The following CNKSR2 variants were observed in gnomAD, a reference collection of about 807,000 sequenced individuals.
The protein encoded by CNKSR2 is connector enhancer of kinase suppressor of Ras 2.
A neutral mutation model predicts 84.4 loss-of-function variants in CNKSR2; 14 were observed. The ratio of observed to expected loss-of-function variants is 0.17; its 90% CI spans 0.11 to 0.26. CNKSR2 has a LOEUF of 0.26. Ranked by LOEUF, CNKSR2 falls within the 10% of genes least tolerant of loss-of-function variation. CNKSR2 has a pLI of 1.00. For missense variants in CNKSR2, 485 were observed against 771.2 expected (o/e 0.63, Z 4.40); for synonymous variants, 275 against 277.9 (o/e 0.99, Z 0.10).
chrX:21,582,490 A>G (rs2147232271), intron 13 of CNKSR2, among the ~76,000 whole-genome samples: 1 of 111,593 alleles, frequency 9.0e-6, no homozygotes, highest in East Asian at 2.8e-4. Flanking sequence ...CTTGGGAGGC[A>G]GTAATGCATG....
chrX:21,569,568 T>G (rs1048447573), intron 13 of CNKSR2, among the ~76,000 whole-genome samples: 1 of 111,872 alleles, frequency 8.9e-6, no homozygotes, highest in Non-Finnish European at 1.9e-5. Flanking sequence ...TTCTTCTAAA[T>G]TCTTGTTAAT....
intron 4 of CNKSR2, among the ~76,000 whole-genome samples, chrX:21,464,579 C>T (rs1023756711): frequency 9.0e-6 from 1 of 111,089 alleles, no homozygotes; most frequent in African/African-American, 3.3e-5. Context: ...GCGGAGATTC[C>T]CATAACTGAG....
At chrX:21,413,131 G>A (rs879078134) in intron 1 of CNKSR2, among the ~76,000 whole-genome samples, 1 of 110,995 alleles carries the variant, frequency 9.0e-6, no homozygotes, top group Non-Finnish European at 1.9e-5. Context: ...ACTGCATGAC[G>A]ACTGCATGCC....
intron 11 of CNKSR2, among the ~76,000 whole-genome samples, chrX:21,545,212 C>T (rs1389189534): frequency 9.0e-6 from 1 of 111,451 alleles, no homozygotes; most frequent in Non-Finnish European, 1.9e-5. Flanking sequence ...AAGGGGCGTC[C>T]ACCATTACTG....
In CNKSR2 at chrX:21,374,681, C is replaced by T. The variant is rs2089779252; in HGVS notation, c.-217C>T. The T allele has an allele frequency of 2.0e-6, 1 of 509,827 alleles. No homozygotes were observed. The highest frequency in any genetic ancestry group is 2.3e-5 in the African/African-American group (1 of 42,982). The allele number at this position is 509,827 out of a possible 1,213,427, so 42.0% of individuals were successfully genotyped here. On this transcript the variant is annotated 5_prime_UTR_variant, in exon 1 of 22. Transcript: ENST00000379510. ...GAACTGAGCAGACCCGGCGCGGAGCCACGACTCCTGCACGTTTACCTCCCT... is the reference window on the plus strand; with the variant it reads ...GAACTGAGCAGACCCGGCGCGGAGCTACGACTCCTGCACGTTTACCTCCCT...
At chrX:21,435,723 AGTTTACAGATCACTACAAGT>A (rs1024681064) in intron 3 of CNKSR2, among the ~76,000 whole-genome samples, 1 of 111,988 alleles carries the variant, frequency 8.9e-6, no homozygotes, top group Non-Finnish European at 1.9e-5. Context: ...TATACTCAGA[AGTTTACAGATCACTACAAGT>A]GTTACGTTGT....
At chrX:21,390,436 G>A (rs1039500957) in intron 1 of CNKSR2, among the ~76,000 whole-genome samples, 1 of 111,063 alleles carries the variant, frequency 9.0e-6, no homozygotes, top group African/African-American at 3.3e-5. Flanking sequence ...TTTCAATCAT[G>A]GCGGAAGGTG....
intron 5 of CNKSR2, among the ~76,000 whole-genome samples, chrX:21,482,905 T>A (rs1348815643): frequency 8.9e-6 from 1 of 111,886 alleles, no homozygotes; most frequent in Non-Finnish European, 1.9e-5. Context: ...CCAGGCCTTA[T>A]TGGGATGAAG....
chrX:21,617,402 T>A (rs1201233768), intron 20 of CNKSR2, among the ~76,000 whole-genome samples: 1 of 111,716 alleles, frequency 9.0e-6, no homozygotes, highest in Non-Finnish European at 1.9e-5. Context: ...TAGATTATGA[T>A]TTAATATGAT....
At chrX:21,576,970 C>T (rs758023067) in intron 13 of CNKSR2, among the ~76,000 whole-genome samples, 1 of 111,341 alleles carries the variant, frequency 9.0e-6, no homozygotes, top group Non-Finnish European at 1.9e-5. Context: ...TTATGTTCTG[C>T]GCTGCTTTTA....
At chrX:21,509,523 C>T (rs2091649171) in intron 8 of CNKSR2, among the ~76,000 whole-genome samples, 1 of 111,518 alleles carries the variant, frequency 9.0e-6, no homozygotes, top group East Asian at 2.8e-4. Flanking sequence ...TCTGAATTAC[C>T]TATTTAAGTT....
At position 21,458,044 on chromosome X, in the gene CNKSR2, T is replaced by C. The variant is rs759719042; in HGVS notation, c.520-12722T>C. 1.6e-4 allele frequency among the ~76,000 whole-genome samples: 18 copies of C among 111,831 alleles called. No homozygotes were observed. In the South Asian group the frequency reaches 6.7e-3, roughly 42 times the overall value. On this transcript the variant is annotated intron_variant, in intron 4 of 21. Coordinates refer to ENST00000379510, the MANE Select transcript of CNKSR2 (RefSeq NM_014927.5). Reference sequence around the variant, plus strand: ...TTGTTAGTACAACTGAATCCCTCCATGTTTTCTTCCAGATGTGGCCTTTAC... The same window carrying C: ...TTGTTAGTACAACTGAATCCCTCCACGTTTTCTTCCAGATGTGGCCTTTAC...
At chrX:21,424,861 A>C (rs151058443) in intron 1 of CNKSR2, 1 of 111,884 alleles carries the variant, frequency 8.9e-6, no homozygotes, top group Non-Finnish European at 1.9e-5. Flanking sequence ...TTCAGCACAT[A>C]TTTGTAATAG....
intron 13 of CNKSR2, among the ~76,000 whole-genome samples, chrX:21,571,854 G>T (rs2092286040): frequency 8.9e-6 from 1 of 111,945 alleles, no homozygotes; most frequent in Non-Finnish European, 1.9e-5. Context: ...ATTCTTTCAG[G>T]ATAAAAGTAA....
chrX:21,433,809 T>C (rs2090669304), intron 3 of CNKSR2, among the ~76,000 whole-genome samples: 1 of 110,419 alleles, frequency 9.1e-6, no homozygotes, highest in Non-Finnish European at 1.9e-5. Context: ...ATTGTCTAAT[T>C]TTATATATAC....
rs2092723754 is a variant in CNKSR2 at position 21,652,638 on chromosome X, A to G, written c.*117A>G. 9.7e-6 allele frequency: 5 copies of G among 517,299 alleles called. No homozygotes were observed. The East Asian group carries it at 1.8e-4, about 18-fold the overall frequency. 42.6% of individuals were successfully genotyped at this position (517,299 alleles called of 1,213,427 possible). A position where few individuals can be genotyped will look rare whatever the true frequency, so the allele number is the denominator to read the frequency against. ...AGCTATACTTTAATGTTACCAAACT[A>G]TATGAAACAAACCATATATGGTCAC... On this transcript the variant is annotated 3_prime_UTR_variant, in exon 22 of 22. Coordinates refer to ENST00000379510, the MANE Select transcript of CNKSR2 (RefSeq NM_014927.5).
intron 8 of CNKSR2, chrX:21,503,258 A>G: frequency 3.4e-6 from 1 of 294,859 alleles, no homozygotes; most frequent in Non-Finnish European, 5.9e-6. Context: ...ATTCTAAAAT[A>G]TTGAAAACTA....
At chrX:21,580,816 A>AT (rs2092348356) in intron 13 of CNKSR2, among the ~76,000 whole-genome samples, 1 of 111,173 alleles carries the variant, frequency 9.0e-6, no homozygotes. Flanking sequence ...GGTCCTCTCC[A>AT]TTTTTTCTGG....
intron 20 of CNKSR2, among the ~76,000 whole-genome samples, chrX:21,635,834 T>A (rs935312965): frequency 9.0e-6 from 1 of 110,750 alleles, no homozygotes; most frequent in Non-Finnish European, 1.9e-5. Context: ...ACACATACCC[T>A]TATCTATTAT....
Sources: gnomAD v4.1 joint callset for allele counts (sites outside exome capture counted in the v4.1 genomes callset) on GRCh38, gnomAD v4.1.1 for gene constraint, MANE v1.5 for transcripts, NCBI Gene and HGNC (gene_info 2026-07-23, HGNC 2026-07-21) for gene names.